The following ADCY2 variants were observed in gnomAD, a reference collection of about 807,000 sequenced individuals.
ADCY2 encodes adenylate cyclase type 2.
ADCY2 carries 31 observed loss-of-function variants against 125.2 expected under a neutral mutation model. The observed-to-expected ratio is 0.25, with a 90% CI of 0.19 to 0.33. The LOEUF (loss-of-function observed/expected upper bound fraction) is 0.33, where lower values mean the gene tolerates loss of function less well. ADCY2 is among the 10% of genes least tolerant of loss of function. ADCY2 has a pLI of 1.00. For missense variants in ADCY2, 904 were observed against 1,418.2 expected (o/e 0.64, Z 5.82); for synonymous variants, 512 against 548.4 (o/e 0.93, Z 0.93).
At chr5:7,637,577 C>A (rs1009579415) in intron 4 of ADCY2, among the ~76,000 whole-genome samples, 17 of 151,846 alleles carry the variant, frequency 1.1e-4, no homozygotes, top group African/African-American at 3.9e-4. Flanking sequence ...AGGTTTTAAT[C>A]CAAATAGAAA....
intron 1 of ADCY2, among the ~76,000 whole-genome samples, chr5:7,412,272 C>T (rs1027959423): frequency 6.6e-6 from 1 of 152,168 alleles, no homozygotes. Context: ...ATGATTGTTT[C>T]ACCCCTGCTG....
intron 2 of ADCY2, among the ~76,000 whole-genome samples, chr5:7,482,791 TAC>T (rs1554012998): frequency 0.013 from 1,809 of 139,548 alleles, 50 homozygotes; most frequent in African/African-American, 0.044. Flanking sequence ...TATATATATA[TAC>T]ACACACACAT....
intron 15 of ADCY2, among the ~76,000 whole-genome samples, chr5:7,748,353 AT>A (rs1742694567): frequency 1.3e-5 from 2 of 152,100 alleles, no homozygotes; most frequent in Admixed American, 6.5e-5. Context: ...ATCGGATGCT[AT>A]TTAGCATTTC....
chr5:7,400,368 A>G (rs1286700195), intron 1 of ADCY2, among the ~76,000 whole-genome samples: 6 of 152,234 alleles, frequency 3.9e-5, no homozygotes, highest in Non-Finnish European at 7.3e-5. Flanking sequence ...GATATTTAAA[A>G]CAATAACCAG....
intron 4 of ADCY2, among the ~76,000 whole-genome samples, chr5:7,690,319 G>T (rs1740665603): frequency 6.6e-6 from 1 of 152,142 alleles, no homozygotes; most frequent in Non-Finnish European, 1.5e-5. Flanking sequence ...AAATGAACAT[G>T]CAGGCAAAAA....
At position 7,400,818 on chromosome 5, in the gene ADCY2, T is replaced by C. The variant is rs75309352; in HGVS notation, c.210+4312T>C. Among the ~76,000 whole-genome samples the C allele has an allele frequency of 4.1e-3, 623 of 152,366 alleles. 3 individuals carry two copies. Among genetic ancestry groups the C allele is most frequent in the African/African-American group, 0.015 (607 of 41,596 alleles). On this transcript the variant is annotated intron_variant, in intron 1 of 24. Coordinates refer to ENST00000338316, the MANE Select transcript of ADCY2 (RefSeq NM_020546.3). ...GCAACCAGTAATTCTCTAAGTCGTT[T>C]TAGTTATAATTTACTTGTGGTATAA...
intron 24 of ADCY2, among the ~76,000 whole-genome samples, chr5:7,823,591 TTG>T (rs1745370871): frequency 6.6e-6 from 1 of 152,156 alleles, no homozygotes; most frequent in South Asian, 2.1e-4. Context: ...AGGTCTTATC[TTG>T]GCAGGGAAGA....
chr5:7,727,578 C>G (rs78521957), intron 14 of ADCY2, among the ~76,000 whole-genome samples: 1 of 152,134 alleles, frequency 6.6e-6, no homozygotes, highest in East Asian at 1.9e-4. Flanking sequence ...ACTTTACCCA[C>G]AAAGAGTGCA....
chr5:7,396,263 G>C lies in ADCY2; in HGVS notation c.-34G>C. 4.6e-6 allele frequency: 5 copies of C among 1,079,434 alleles called. No homozygotes were observed. Among genetic ancestry groups the C allele is most frequent in the Non-Finnish European group, 2.2e-6 (2 of 889,534 alleles). The allele number at this position is 1,079,434 out of a possible 1,614,324, so 66.9% of individuals were successfully genotyped here. A position where few individuals can be genotyped will look rare whatever the true frequency, so the allele number is the denominator to read the frequency against. Reference sequence around the variant, plus strand: ...GCGGCGAGCGGCGCTGCCCGGGCCGGGCGCGCACGGCGGGCGCCCTGTGAG... The same window carrying C: ...GCGGCGAGCGGCGCTGCCCGGGCCGCGCGCGCACGGCGGGCGCCCTGTGAG... On this transcript the variant is annotated 5_prime_UTR_variant, in exon 1 of 25. Transcript: ENST00000338316. The surrounding 1 kb of genome is among the most constrained non-coding windows in gnomAD (Gnocchi z 5.7).
At chr5:7,555,712 T>G (rs900778151) in intron 3 of ADCY2, among the ~76,000 whole-genome samples, 1 of 152,156 alleles carries the variant, frequency 6.6e-6, no homozygotes, top group Non-Finnish European at 1.5e-5. Flanking sequence ...TCTTATAAAT[T>G]TATGTGGTTG....
chr5:7,411,965 C>G (rs1379670003), intron 1 of ADCY2, among the ~76,000 whole-genome samples: 1 of 151,712 alleles, frequency 6.6e-6, no homozygotes, highest in African/African-American at 2.4e-5. Context: ...GTCCCAGCTA[C>G]TTGGGAGGCT....
chr5:7,515,496 G>A (rs1056809331), intron 2 of ADCY2, among the ~76,000 whole-genome samples: 1 of 152,238 alleles, frequency 6.6e-6, no homozygotes, highest in Non-Finnish European at 1.5e-5. Flanking sequence ...CCCAGTATCT[G>A]CTGTTGCCTG....
chr5:7,463,822 G>A (rs1742009904), intron 2 of ADCY2, among the ~76,000 whole-genome samples: 1 of 152,100 alleles, frequency 6.6e-6, no homozygotes, highest in South Asian at 2.1e-4. Context: ...TTTCAAAGGT[G>A]GGATAGGATC....
At chr5:7,634,118 TG>T (rs895556622) in intron 4 of ADCY2, among the ~76,000 whole-genome samples, 2 of 152,112 alleles carry the variant, frequency 1.3e-5, no homozygotes, top group African/African-American at 2.4e-5. Context: ...TGCCTTTTAA[TG>T]GGGGGGAAAG....
intron 16 of ADCY2, among the ~76,000 whole-genome samples, chr5:7,766,402 G>A (rs1295739391): frequency 6.6e-6 from 1 of 152,168 alleles, no homozygotes; most frequent in Non-Finnish European, 1.5e-5. Flanking sequence ...GGTTTCAAAT[G>A]TAATTCTAAC....
In ADCY2 at chr5:7,739,822, T is replaced by A. The variant is rs559847542; in HGVS notation, c.1872-3846T>A. Among the ~76,000 whole-genome samples the A allele has an allele frequency of 5.9e-4, 89 of 152,020 alleles. 3 individuals are homozygous for A. In the East Asian group the frequency reaches 0.013, roughly 21 times the overall value. On this transcript the variant is annotated intron_variant, in intron 14 of 24. Coordinates refer to ENST00000338316, the MANE Select transcript of ADCY2 (RefSeq NM_020546.3). ...AGGCCAAACAGATTTACAATTTAGA[T>A]AAAATGAGTTTCTTGAAAAGACTAT...
At chr5:7,753,730 C>T (rs767437757) in intron 15 of ADCY2, among the ~76,000 whole-genome samples, 4 of 152,126 alleles carry the variant, frequency 2.6e-5, no homozygotes, top group Non-Finnish European at 4.4e-5. Context: ...AGTCCTGTTT[C>T]TCCTCTTATC....
chr5:7,414,967 ATGTATTTATATCTGTATGTATG>A (rs6148896), intron 2 of ADCY2, among the ~76,000 whole-genome samples, 197 bp downstream of exon 2: 47,991 of 151,558 alleles, frequency 0.32, 8,421 homozygotes, highest in African/African-American at 0.45. Context: ...TACAAGGTAT[ATGTATTTATATCTGTATGTATG>A]TGTATTTATA....
At chr5:7,742,927 A>T (rs116157331) in intron 14 of ADCY2, among the ~76,000 whole-genome samples, 6 of 152,270 alleles carry the variant, frequency 3.9e-5, no homozygotes, top group Non-Finnish European at 5.9e-5. Flanking sequence ...ACTGTGCTTC[A>T]GTCCTTTTTA....
Sources: gnomAD v4.1 joint callset for allele counts (sites outside exome capture counted in the v4.1 genomes callset) on GRCh38, gnomAD v4.1.1 for gene constraint, Gnocchi (gnomAD v3.1) non-coding constraint, MANE v1.5 for transcripts, NCBI Gene and HGNC (gene_info 2026-07-23, HGNC 2026-07-21) for gene names.